RAB3GAP2: variants seen among roughly 807,000 people sequenced by gnomAD.
RAB3GAP2 encodes RAB3 GTPase activating non-catalytic protein subunit 2, also known as rab3 GTPase-activating protein non-catalytic subunit.
RAB3GAP2 carries 87 observed loss-of-function variants against 185.3 expected under a neutral mutation model. The observed-to-expected ratio is 0.47, with a 90% CI of 0.39 to 0.56. The LOEUF is 0.56. Ranked by LOEUF, RAB3GAP2 falls within the 20% of genes least tolerant of loss-of-function variation. RAB3GAP2 has a pLI of 0.00. For missense variants in RAB3GAP2, 1,492 were observed against 1,638.2 expected (o/e 0.91, Z 1.54); for synonymous variants, 554 against 576.1 (o/e 0.96, Z 0.55).
intron 1 of RAB3GAP2, among the ~76,000 whole-genome samples, chr1:220,239,108 G>A (rs1303611763): frequency 6.6e-6 from 1 of 152,094 alleles, no homozygotes; most frequent in African/African-American, 2.4e-5. Context: ...CAAATCAGTG[G>A]TTGTTTCTAA....
intron 1 of RAB3GAP2, among the ~76,000 whole-genome samples, chr1:220,241,846 C>T (rs1659703269): frequency 6.6e-6 from 1 of 151,354 alleles, no homozygotes; most frequent in African/African-American, 2.4e-5. Context: ...TTTTTAACAA[C>T]TTCATATTTA....
At chr1:220,189,615 G>A (rs1658574355) in intron 17 of RAB3GAP2, 88 bp downstream of exon 17, 2 of 1,322,656 alleles carry the variant, frequency 1.5e-6, no homozygotes, top group Non-Finnish European at 1.0e-6. Flanking sequence ...AGCCTCTCAT[G>A]TTTGGGGGAA....
rs565417082 is a variant in RAB3GAP2 at position 220,171,986 on chromosome 1, G to A, written c.2480C>T (p.Ala827Val). ...TCCATTGTTCTCAGACTGAATACAG[G>A]CTGTGCGCATCTGCTGCCACCATGG... ...VSPWWQQMRT[A>V]CIQSENNGAA... The change falls in exon 23 of 35, where the codon GCC becomes GTC. Residue 827 changes from alanine to valine, a missense_variant. Physicochemically the swap from Ala to Val is moderately conservative, Grantham distance 64. Around this residue, in one of 5 missense-constraint regions of RAB3GAP2, gnomAD observed 681 missense variants for 689.1 expected, o/e 0.99. Transcript: ENST00000358951. 6 of 1,614,116 alleles carry A rather than the reference G, an allele frequency of 3.7e-6. No individual in the cohort carries two copies. The South Asian group carries it at 6.6e-5, about 18-fold the overall frequency.
chr1:220,186,960 G>A (rs1177887624), intron 17 of RAB3GAP2, among the ~76,000 whole-genome samples: 1 of 152,110 alleles, frequency 6.6e-6, no homozygotes, highest in Non-Finnish European at 1.5e-5. Flanking sequence ...TAATAACAGA[G>A]ACTTTACCCT....
intron 1 of RAB3GAP2, among the ~76,000 whole-genome samples, chr1:220,257,308 G>A (rs1660049286): frequency 6.6e-6 from 1 of 151,942 alleles, no homozygotes; most frequent in Non-Finnish European, 1.5e-5. Context: ...AACCTGGGAG[G>A]CGGAGGTTGC....
intron 8 of RAB3GAP2, among the ~76,000 whole-genome samples, chr1:220,202,802 G>C (rs2102876003): frequency 6.6e-6 from 1 of 152,276 alleles, no homozygotes; most frequent in East Asian, 1.9e-4. Flanking sequence ...AATGAGCCAG[G>C]CGTGGTGGTA....
At chr1:220,151,830 G>A (rs1657763557) in intron 33 of RAB3GAP2, 66 bp from the exon 34 acceptor site, 2 of 1,492,760 alleles carry the variant, frequency 1.3e-6, no homozygotes, top group Non-Finnish European at 1.9e-6. Flanking sequence ...CTATAGGAAA[G>A]GGGTTGCCAG....
At position 220,212,975 on chromosome 1, in the gene RAB3GAP2, G is replaced by C. The variant is rs751042966; in HGVS notation, c.305-7C>G. On this transcript the variant is annotated splice_region_variant and splice_polypyrimidine_tract_variant and intron_variant, in intron 3 of 34. Transcript: ENST00000358951. ...TCACTATATTTCCATTTTGCTGTAA[G>C]AATTAAGATATCATATAAAATAATT... 2 of 1,591,490 alleles carry C rather than the reference G, an allele frequency of 1.3e-6. No homozygotes were observed. The highest frequency in any genetic ancestry group is 1.7e-6 in the Non-Finnish European group (2 of 1,162,108).
chr1:220,170,607 T>C (rs1015095098), intron 24 of RAB3GAP2, among the ~76,000 whole-genome samples: 1 of 152,164 alleles, frequency 6.6e-6, no homozygotes, highest in Non-Finnish European at 1.5e-5. Context: ...TGGTCTCATA[T>C]AGACATGTAG....
intron 1 of RAB3GAP2, among the ~76,000 whole-genome samples, chr1:220,246,123 A>C (rs1027755127): frequency 6.6e-6 from 1 of 152,210 alleles, no homozygotes; most frequent in African/African-American, 2.4e-5. Flanking sequence ...AAGGACATGA[A>C]CAGACACTTC....
At chr1:220,266,946 A>C (rs1362482731) in intron 1 of RAB3GAP2, 1 of 1,597,550 alleles carries the variant, frequency 6.3e-7, no homozygotes, top group African/African-American at 1.3e-5. Flanking sequence ...GAGGCTTCCC[A>C]ACTAAAAATT....
At chr1:220,197,536 A>G (rs1159750450) in intron 9 of RAB3GAP2, among the ~76,000 whole-genome samples, 1 of 152,134 alleles carries the variant, frequency 6.6e-6, no homozygotes, top group Non-Finnish European at 1.5e-5. Flanking sequence ...AAAGATCAGA[A>G]CACCTATCTC....
rs143538645 is a variant in RAB3GAP2, at chr1:220,258,940, C to T, written c.115+13283G>A. On this transcript the variant is annotated intron_variant, in intron 1 of 34. Transcript: ENST00000358951. The stretch of plus-strand genomic sequence containing the variant: ...AAATCACAAGCATTCCTATACACTA[C>T]GACAGAAAGGCAGCCAAATTATGAA... Among the ~76,000 whole-genome samples, 226 of 151,496 alleles carry T rather than the reference C, an allele frequency of 1.5e-3. 1 individual carries two copies. The highest frequency in any genetic ancestry group is 1.9e-3 in the Admixed American group (29 of 15,196).
chr1:220,200,664 T>C (rs1167880264), intron 9 of RAB3GAP2: 1 of 515,034 alleles, frequency 1.9e-6, no homozygotes, highest in Non-Finnish European at 4.0e-6. Flanking sequence ...GAACTGAACT[T>C]AACACTTTGG....
At chr1:220,174,667 A>G (rs895766387) in intron 21 of RAB3GAP2, among the ~76,000 whole-genome samples, 1 of 152,206 alleles carries the variant, frequency 6.6e-6, no homozygotes, top group Non-Finnish European at 1.5e-5. Flanking sequence ...AAAAACAAAT[A>G]TATCTTCCAT....
intron 21 of RAB3GAP2, among the ~76,000 whole-genome samples, chr1:220,174,478 ACATCATGAAGAATGGAGTGT>A (rs1451856094): frequency 6.6e-6 from 1 of 152,202 alleles, no homozygotes; most frequent in Admixed American, 6.5e-5. Flanking sequence ...TGAAATAAGC[ACATCATGAAGAATGGAGTGT>A]CCATCCCATC....
rs1259518220 is a variant in RAB3GAP2 at position 220,149,794 on chromosome 1, A to G, written c.*1457T>C. 1.3e-5 allele frequency: 2 copies of G among 152,240 alleles called. No homozygotes were observed. The highest frequency in any genetic ancestry group is 1.5e-5 in the Non-Finnish European group (1 of 68,034). 9.4% of individuals were successfully genotyped at this position (152,240 alleles called of 1,614,324 possible). On this transcript the variant is annotated 3_prime_UTR_variant, in exon 35 of 35. Transcript: ENST00000358951. ...GTTTGATAGTTACTTAACAGTAATT[A>G]CTAAATTTTAGCCAGTTAAATTCTT...
At position 220,182,845 on chromosome 1, in the gene RAB3GAP2, C is replaced by T. The variant is rs892082244; in HGVS notation, c.2085G>A (p.Arg695=). 2 of 1,613,404 alleles carry T rather than the reference C, an allele frequency of 1.2e-6. No individual in the cohort carries two copies. The highest frequency in any genetic ancestry group is 2.7e-5 in the African/African-American group (2 of 74,908). ...TATCATCAGAAAATCGAACATTTGT[C>T]CTGGTGTTCTCTTGCTTATATTTCT... The part of the protein sequence containing the change: ...LLEKYKQENT[R]TNVRFSDDKD... The change falls in exon 20 of 35, where the codon AGG becomes AGA. Residue 695 remains arginine (R), a synonymous_variant. Transcript: ENST00000358951.
At chr1:220,188,686 A>G (rs2102868347) in intron 17 of RAB3GAP2, among the ~76,000 whole-genome samples, 1 of 152,334 alleles carries the variant, frequency 6.6e-6, no homozygotes, top group South Asian at 2.1e-4. Context: ...TTCCACTCTT[A>G]GGTATAAACG....
Sources: gnomAD v4.1 joint callset for allele counts (sites outside exome capture counted in the v4.1 genomes callset) on GRCh38, gnomAD v4.1.1 for gene constraint, gnomAD v4.1.1 regional missense constraint, MANE v1.5 for transcripts, NCBI Gene and HGNC (gene_info 2026-07-23, HGNC 2026-07-21) for gene names.